Variants in LAMC2 observed in about 807,000 individuals in gnomAD.
The protein encoded by LAMC2 is laminin subunit gamma 2.
Under a neutral mutation model 140.2 loss-of-function variants are expected in LAMC2, and 97 were observed. That is an observed-to-expected ratio of 0.69 (90% CI 0.59 to 0.82). The LOEUF is 0.82. LAMC2 is among the 40% of genes least tolerant of loss of function. The pLI is 0.00. For synonymous variants in LAMC2, 513 were observed against 540.2 expected (o/e 0.95, Z 0.70); for missense variants, 1,402 against 1,476.1 (o/e 0.95, Z 0.82).
rs549356414 is a variant in LAMC2 at position 183,228,335 on chromosome 1, T to C, written c.1469-39T>C. 4 of 1,614,048 alleles carry C rather than the reference T, an allele frequency of 2.5e-6. No individual in the cohort carries two copies. In the Admixed American group the frequency reaches 5.0e-5, roughly 20 times the overall value. Reference sequence around the variant, plus strand: ...CCTCTGCGTCTGGTCTTCCTCCTGATGGATGTCGACCTAGGCTTGGTCATT... The same window carrying C: ...CCTCTGCGTCTGGTCTTCCTCCTGACGGATGTCGACCTAGGCTTGGTCATT... On this transcript the variant is annotated intron_variant, in intron 10 of 22. Coordinates refer to ENST00000264144, the MANE Select transcript of LAMC2 (RefSeq NM_005562.3). This position sits in a 1 kb window ranked among gnomAD's most constrained non-coding sequence, Gnocchi z 4.3.
chr1:183,188,087 C>G (rs1220997700), intron 1 of LAMC2, among the ~76,000 whole-genome samples: 1 of 152,170 alleles, frequency 6.6e-6, no homozygotes, highest in African/African-American at 2.4e-5. Context: ...AGGATTCTCA[C>G]TTCTTAAAGA....
chr1:183,207,809 A>C, intron 1 of LAMC2, 72 bp from the exon 2 acceptor site: 2 of 1,256,938 alleles, frequency 1.6e-6, no homozygotes, highest in South Asian at 2.4e-5. Flanking sequence ...AATAACATAA[A>C]CACCTGCTAG....
Position 183,228,931 on chromosome 1 carries a change from G to C in LAMC2, c.1714+312G>C, listed in dbSNP as rs941730351. On this transcript the variant is annotated intron_variant, in intron 11 of 22. Transcript: ENST00000264144. The surrounding 1 kb of genome is among the most constrained non-coding windows in gnomAD (Gnocchi z 4.3). ...ATCCTATGCCCAATCCCAAGGCAGG[G>C]AGGCAGGGAAGTGGCTGCCAAACCT... Among the ~76,000 whole-genome samples the C allele has an allele frequency of 1.3e-5, 2 of 152,230 alleles. No individual in the cohort carries two copies. Among genetic ancestry groups the C allele is most frequent in the African/African-American group, 4.8e-5 (2 of 41,452 alleles).
chr1:183,253,904 CGTGTGTGTGTGTGTGTGT>C, the LAMC2 span, among the ~76,000 whole-genome samples: 16 of 144,374 alleles, frequency 1.1e-4, no homozygotes, highest in Admixed American at 6.2e-4. Context: ...GTTCCACTTC[CGTGTGTGTGTGTGTGTGT>C]GTGTGTGTGT....
chr1:183,197,565 A>G lies in LAMC2; in HGVS notation c.80-10316A>G, dbSNP rs923061379. Among the ~76,000 whole-genome samples the G allele has an allele frequency of 1.4e-4, 22 of 152,176 alleles. No homozygotes were observed. In the East Asian group the frequency reaches 4.1e-3, roughly 28 times the overall value. On this transcript the variant is annotated intron_variant, in intron 1 of 22. Coordinates refer to ENST00000264144, the MANE Select transcript of LAMC2 (RefSeq NM_005562.3). ...CTGGCGGGCGCCTATAGTCCCAGCT[A>G]CTTGGGAGGCTGAGGCAGGAGAATG...
intron 1 of LAMC2, 152 bp downstream of exon 1, chr1:183,186,583 C>CAG: frequency 1.7e-6 from 1 of 603,988 alleles, no homozygotes; most frequent in Non-Finnish European, 2.7e-6. Flanking sequence ...GGGGCTCCTC[C>CAG]AGAGACGGAT....
the LAMC2 span, among the ~76,000 whole-genome samples, chr1:183,255,273 A>T: frequency 2.0e-5 from 3 of 152,128 alleles, no homozygotes; most frequent in Non-Finnish European, 4.4e-5. Flanking sequence ...CCACTGCTCT[A>T]TGTGTCTGCT....
chr1:183,213,748 CAA>C (rs529019896), intron 2 of LAMC2, among the ~76,000 whole-genome samples: 41 of 68,156 alleles, frequency 6.0e-4, no homozygotes, highest in Non-Finnish European at 3.9e-4. Context: ...TGCAGTGAGC[CAA>C]AAAAAAAAAA....
intron 1 of LAMC2, among the ~76,000 whole-genome samples, chr1:183,189,866 C>T (rs1658271459): frequency 6.6e-6 from 1 of 152,210 alleles, no homozygotes; most frequent in Admixed American, 6.5e-5. Context: ...AGCAATTGTT[C>T]TTCCAGAACG....
intron 1 of LAMC2, among the ~76,000 whole-genome samples, chr1:183,190,594 T>G (rs1167512535): frequency 4.6e-5 from 7 of 152,098 alleles, no homozygotes; most frequent in African/African-American, 9.7e-5. Flanking sequence ...ATCTCTCATT[T>G]CCCAATGGGA....
At chr1:183,211,798 A>G (rs1250825686) in intron 2 of LAMC2, among the ~76,000 whole-genome samples, 1 of 152,190 alleles carries the variant, frequency 6.6e-6, no homozygotes. Flanking sequence ...ATGAGCCACC[A>G]TGCTCGGCCC....
At chr1:183,205,960 C>T (rs181387713) in intron 1 of LAMC2, among the ~76,000 whole-genome samples, 6 of 152,072 alleles carry the variant, frequency 3.9e-5, no homozygotes, top group Admixed American at 3.9e-4. Context: ...TTTGTAACAA[C>T]CAAGCTGAAT....
chr1:183,203,070 G>A (rs16860518), intron 1 of LAMC2, among the ~76,000 whole-genome samples: 18,902 of 152,270 alleles, frequency 0.12, 1,164 homozygotes, highest in East Asian at 0.23. Context: ...GCAAAGTTGA[G>A]TGCAGAGATT....
the LAMC2 span, chr1:183,250,348 C>G: frequency 6.6e-6 from 1 of 152,232 alleles, no homozygotes; most frequent in East Asian, 1.9e-4. Context: ...CTCTTTATTT[C>G]TAAAGGAAAC....
chr1:183,226,534 G>A (rs1659630650), intron 8 of LAMC2, among the ~76,000 whole-genome samples, 164 bp from the exon 9 acceptor site: 1 of 152,118 alleles, frequency 6.6e-6, no homozygotes, highest in South Asian at 2.1e-4. Flanking sequence ...GAGCCTGTGT[G>A]CTCAGTCACA....
intron 15 of LAMC2, 134 bp from the exon 16 acceptor site, chr1:183,235,441 G>A: frequency 1.1e-6 from 1 of 952,182 alleles, no homozygotes; most frequent in East Asian, 2.6e-5. Context: ...CTAATTCCAT[G>A]TAATTTGAGT....
At chr1:183,258,734 A>G in the LAMC2 span, among the ~76,000 whole-genome samples, 2 of 151,994 alleles carry the variant, frequency 1.3e-5, no homozygotes, top group African/African-American at 4.8e-5. Context: ...CCTGCACTTG[A>G]TGGACCAGCT....
At chr1:183,239,179 G>A (rs1212599467) in intron 19 of LAMC2, among the ~76,000 whole-genome samples, 185 bp from the exon 20 acceptor site, 4 of 152,112 alleles carry the variant, frequency 2.6e-5, no homozygotes, top group Non-Finnish European at 5.9e-5. Context: ...TCTAAGCAAC[G>A]GAGTAATTAT....
chr1:183,250,930 T>C, the LAMC2 span: 1 of 152,470 alleles, frequency 6.6e-6, no homozygotes, highest in Non-Finnish European at 1.5e-5. Context: ...CCGTAGCTGG[T>C]ACTAGATTTT....
Sources: allele counts gnomAD v4.1 joint callset (sites outside exome capture counted in the v4.1 genomes callset), GRCh38; gene constraint gnomAD v4.1.1; non-coding constraint Gnocchi (gnomAD v3.1); transcripts MANE v1.5; gene names NCBI Gene and HGNC (gene_info 2026-07-23, HGNC 2026-07-21).